Variants in CCDC38 observed in about 807,000 individuals in gnomAD.
The protein encoded by CCDC38 is coiled-coil domain-containing protein 38.
In CCDC38, 69 loss-of-function variants were observed where a neutral mutation model predicts 72.8. The ratio of observed to expected loss-of-function variants is 0.95; its 90% confidence interval spans 0.78 to 1.16. The LOEUF (loss-of-function observed/expected upper bound fraction) is 1.16. Ranked by LOEUF, CCDC38 falls within the 50% of genes most tolerant of loss-of-function variation. CCDC38 has a pLI of 0.00. For missense variants in CCDC38, 626 were observed against 638.9 expected (o/e 0.98, Z 0.22); for synonymous variants, 201 against 213.2 (o/e 0.94, Z 0.50).
At chr12:95,920,951 A>G (rs1487819045) in intron 2 of CCDC38, among the ~76,000 whole-genome samples, 1 of 152,050 alleles carries the variant, frequency 6.6e-6, no homozygotes, top group Non-Finnish European at 1.5e-5. Flanking sequence ...CAACGTGGAG[A>G]AACCCCATCT....
intron 5 of CCDC38, chr12:95,903,536 G>A (rs2079971429): frequency 1.4e-6 from 1 of 689,706 alleles, no homozygotes; most frequent in Non-Finnish European, 2.6e-6. Context: ...TCTAGTAGAT[G>A]TCCTTTTATA....
At chr12:95,933,357 TA>T in intron 2 of CCDC38, 1 of 151,988 alleles carries the variant, frequency 6.6e-6, no homozygotes, top group Admixed American at 6.5e-5. Flanking sequence ...ACTAACAACC[TA>T]AAGAAAAATA....
At chr12:95,876,541 A>G (rs919661670) in intron 13 of CCDC38, among the ~76,000 whole-genome samples, 3 of 152,220 alleles carry the variant, frequency 2.0e-5, no homozygotes, top group African/African-American at 7.2e-5. Flanking sequence ...GCTAACAGGT[A>G]AATTTGGTTA....
chr12:95,918,175 G>A (rs1264981382), intron 3 of CCDC38, among the ~76,000 whole-genome samples: 1 of 152,186 alleles, frequency 6.6e-6, no homozygotes, highest in Non-Finnish European at 1.5e-5. Context: ...ACCAGGCGAT[G>A]TAGGTGTGAT....
chr12:95,943,226 C>T (rs1051280230), upstream of CCDC38: 10 of 645,290 alleles, frequency 1.5e-5, no homozygotes, highest in African/African-American at 3.9e-5. Context: ...CAATGATTAC[C>T]GCCCCCGTTG....
intron 1 of CCDC38, among the ~76,000 whole-genome samples, chr12:95,941,087 T>A (rs973178486): frequency 6.6e-6 from 1 of 152,230 alleles, no homozygotes; most frequent in African/African-American, 2.4e-5. Flanking sequence ...TCCTTTCTGC[T>A]TTTGCAAACC....
At chr12:95,891,354 TA>T (rs1338974525) in intron 8 of CCDC38, among the ~76,000 whole-genome samples, 2 of 152,174 alleles carry the variant, frequency 1.3e-5, no homozygotes, top group Non-Finnish European at 2.9e-5. Flanking sequence ...TATTTTATTT[TA>T]TTTTTTTGGG....
At chr12:95,882,021 T>C (rs1253370955) in intron 10 of CCDC38, among the ~76,000 whole-genome samples, 2 of 152,202 alleles carry the variant, frequency 1.3e-5, no homozygotes, top group Non-Finnish European at 2.9e-5. Context: ...AGATTTTACT[T>C]CTCAAAATAT....
chr12:95,869,732 T>C, intron 14 of CCDC38, 159 bp from the exon 15 acceptor site: 1 of 570,528 alleles, frequency 1.8e-6, no homozygotes, highest in Non-Finnish European at 3.0e-6. Flanking sequence ...TTTTGAATAT[T>C]CAGGTAAATC....
At chr12:95,891,329 C>T (rs936661988) in intron 8 of CCDC38, among the ~76,000 whole-genome samples, 8 of 151,994 alleles carry the variant, frequency 5.3e-5, no homozygotes, top group South Asian at 2.1e-4. Context: ...GATCATGAAC[C>T]GAGATGAAAT....
In CCDC38 at chr12:95,868,953, T is replaced by C. The variant is rs564896366; in HGVS notation, c.1578+527A>G. Among the ~76,000 whole-genome samples the C allele has an allele frequency of 2.0e-5, 3 of 152,330 alleles. No individual in the cohort carries two copies. In the East Asian group the frequency reaches 5.8e-4, roughly 29 times the overall value. ...TGGGGATTATACACAGTCCCCACAGTTACATGCGATTCTCTGGGTTCACAT... is the reference window on the plus strand; with the variant it reads ...TGGGGATTATACACAGTCCCCACAGCTACATGCGATTCTCTGGGTTCACAT... On this transcript the variant is annotated intron_variant, in intron 15 of 15. Transcript: ENST00000344280.
chr12:95,867,710 C>T (rs1383058315), intron 15 of CCDC38, among the ~76,000 whole-genome samples: 1 of 152,134 alleles, frequency 6.6e-6, no homozygotes, highest in Non-Finnish European at 1.5e-5. Flanking sequence ...CGAGTTCATA[C>T]CTATTCATTC....
chr12:95,871,846 A>G (rs766143235), intron 14 of CCDC38, among the ~76,000 whole-genome samples: 33 of 152,168 alleles, frequency 2.2e-4, no homozygotes, highest in Admixed American at 4.6e-4. Context: ...TCCTAATTCT[A>G]TATCTTGGGT....
Position 95,888,874 on chromosome 12 carries a change from AC to A in CCDC38, c.872-369del, listed in dbSNP as rs1218192484. ...GTAGTTCTGGGATGCAGAACTATGTACTGTTTGTCTTTGTGTACGTGGGGTC... is the reference window on the plus strand; with the variant it reads ...GTAGTTCTGGGATGCAGAACTATGTATGTTTGTCTTTGTGTACGTGGGGTC... On this transcript the variant is annotated intron_variant, in intron 9 of 15. Coordinates refer to ENST00000344280, the MANE Select transcript of CCDC38 (RefSeq NM_182496.3). Among the ~76,000 whole-genome samples, 3 of 151,874 alleles carry A rather than the reference AC, an allele frequency of 2.0e-5. No individual in the cohort carries two copies. In the East Asian group the frequency reaches 5.8e-4, roughly 30 times the overall value.
intron 8 of CCDC38, among the ~76,000 whole-genome samples, chr12:95,892,068 A>G (rs1158871335): frequency 6.9e-6 from 1 of 144,770 alleles, no homozygotes; most frequent in African/African-American, 2.6e-5. Flanking sequence ...CCCCTCTCCA[A>G]GGGATCACTC....
intron 2 of CCDC38, among the ~76,000 whole-genome samples, chr12:95,923,418 A>T (rs2080230070): frequency 6.6e-6 from 1 of 152,006 alleles, no homozygotes. Flanking sequence ...ATATGGAGCC[A>T]CTGTTGTCCT....
intron 2 of CCDC38, among the ~76,000 whole-genome samples, chr12:95,930,898 A>G (rs746406712): frequency 6.6e-6 from 1 of 152,092 alleles, no homozygotes; most frequent in Non-Finnish European, 1.5e-5. Context: ...TCTAAACTCT[A>G]AACTCTAGAT....
Position 95,867,131 on chromosome 12 carries a change from G to A in CCDC38, c.1637C>T (p.Pro546Leu). Reference protein sequence around the residue: ...KPPSGNKQQLPLVNETKTKSQ... With the variant: ...KPPSGNKQQLLLVNETKTKSQ... Reference sequence around the variant, plus strand: ...TTTTGTTTTTGTTTCATTGACTAAAGGTAGCTGCTGTTTGTTACCAGATGG... The same window carrying A: ...TTTTGTTTTTGTTTCATTGACTAAAAGTAGCTGCTGTTTGTTACCAGATGG... The change falls in exon 16 of 16, where the codon CCT (proline) becomes CTT (leucine). Residue 546 changes from proline to leucine, a missense_variant. Pro to Leu is a moderately conservative substitution (Grantham distance 98). Transcript: ENST00000344280. 6.2e-7 allele frequency: 1 copy of A among 1,609,690 alleles called. No homozygotes were observed. The highest frequency in any genetic ancestry group is 1.1e-5 in the South Asian group (1 of 90,488).
At chr12:95,895,754 GAAAA>G (rs1206572260) in intron 7 of CCDC38, among the ~76,000 whole-genome samples, 7 of 37,260 alleles carry the variant, frequency 1.9e-4, no homozygotes, top group African/African-American at 4.4e-4. Flanking sequence ...ACTCTGTCTC[GAAAA>G]AAAAAAAAAA....
Sources: allele counts gnomAD v4.1 joint callset (sites outside exome capture counted in the v4.1 genomes callset), GRCh38; gene constraint gnomAD v4.1.1; transcripts MANE v1.5; gene names NCBI Gene and HGNC (gene_info 2026-07-23, HGNC 2026-07-21).